Variants in BRINP3 observed in about 807,000 individuals in gnomAD.
BRINP3 encodes BMP/retinoic acid inducible neural specific 3, also known as BMP/retinoic acid-inducible neural-specific protein 3.
BRINP3 carries 19 observed loss-of-function variants against 71.0 expected under a neutral mutation model. The observed-to-expected ratio is 0.27, with a 90% CI of 0.19 to 0.39. BRINP3 has a LOEUF of 0.39. Among genes scored for constraint, BRINP3 ranks in the 10% least tolerant of loss-of-function variants. The probability of loss-of-function intolerance (pLI) is 1.00; values close to 1 mark genes in which losing one functional copy is unlikely to be tolerated. For missense variants in BRINP3, 959 were observed against 940.8 expected, an observed-to-expected ratio of 1.02 and a Z score of -0.25; for synonymous variants, 380 against 337.7, an observed-to-expected ratio of 1.13 and a Z score of -1.37.
At chr1:190,269,238 T>A (rs1210697006) in intron 3 of BRINP3, among the ~76,000 whole-genome samples, 1 of 151,994 alleles carries the variant, frequency 6.6e-6, no homozygotes, top group African/African-American at 2.4e-5. Context: ...GACACCTAAA[T>A]AGCAATTTGG....
intron 2 of BRINP3, among the ~76,000 whole-genome samples, chr1:190,345,715 GAA>G (rs10664849): frequency 9.6e-6 from 1 of 103,628 alleles, no homozygotes; most frequent in South Asian, 3.0e-4. Flanking sequence ...TTTACCTTCA[GAA>G]AAAAAAAAAA....
At chr1:190,418,502 T>G (rs746934113) in intron 2 of BRINP3, among the ~76,000 whole-genome samples, 4 of 152,196 alleles carry the variant, frequency 2.6e-5, no homozygotes, top group Admixed American at 6.6e-5. Context: ...ATGTTTAAAT[T>G]TTCCTTCTCA....
intron 2 of BRINP3, among the ~76,000 whole-genome samples, chr1:190,351,414 A>G (rs767324636): frequency 1.2e-4 from 19 of 152,170 alleles, no homozygotes; most frequent in Non-Finnish European, 2.4e-4. Context: ...AATGGATAGT[A>G]TTAACAATTT....
chr1:190,345,250 GAC>G (rs1261750996), intron 2 of BRINP3, among the ~76,000 whole-genome samples: 3 of 151,632 alleles, frequency 2.0e-5, no homozygotes, highest in African/African-American at 4.8e-5. Context: ...CCAGAAAAGA[GAC>G]ACAGATTTTC....
chr1:190,392,640 G>A (rs1021438634), intron 2 of BRINP3, among the ~76,000 whole-genome samples: 1 of 151,534 alleles, frequency 6.6e-6, no homozygotes, highest in African/African-American at 2.4e-5. Flanking sequence ...ACTTGTAATA[G>A]TTCACATTTC....
chr1:190,468,298 A>G (rs1373064248), intron 1 of BRINP3, among the ~76,000 whole-genome samples: 1 of 151,286 alleles, frequency 6.6e-6, no homozygotes, highest in Admixed American at 6.6e-5. Context: ...TTAATCAAAC[A>G]CTTATTATTG....
intron 2 of BRINP3, among the ~76,000 whole-genome samples, chr1:190,333,791 C>T (rs1213925684): frequency 6.6e-6 from 1 of 151,862 alleles, no homozygotes; most frequent in Non-Finnish European, 1.5e-5. Flanking sequence ...TAACAGAGCC[C>T]AATCTATATC....
chr1:190,384,841 T>C (rs1332217192), intron 2 of BRINP3, among the ~76,000 whole-genome samples: 1 of 151,940 alleles, frequency 6.6e-6, no homozygotes, highest in African/African-American at 2.4e-5. Context: ...TTCTCAGATT[T>C]ATCATATAAG....
chr1:190,354,485 T>C (rs1234436842), intron 2 of BRINP3, among the ~76,000 whole-genome samples: 1 of 151,994 alleles, frequency 6.6e-6, no homozygotes, highest in Non-Finnish European at 1.5e-5. Flanking sequence ...AAAAGGTGTT[T>C]CATAAATGCA....
At chr1:190,327,069 G>A (rs1450105778) in intron 2 of BRINP3, among the ~76,000 whole-genome samples, 2 of 150,510 alleles carry the variant, frequency 1.3e-5, no homozygotes, top group Non-Finnish European at 3.0e-5. Context: ...TAATCTCAGC[G>A]CTTTGGGAGG....
At chr1:190,470,115 TA>T (rs1677031791) in intron 1 of BRINP3, among the ~76,000 whole-genome samples, 1 of 151,030 alleles carries the variant, frequency 6.6e-6, no homozygotes, top group African/African-American at 2.4e-5. Context: ...TTCCCAACTC[TA>T]GATTGTTTTT....
At chr1:190,211,066 C>T (rs1389136440) in intron 6 of BRINP3, among the ~76,000 whole-genome samples, 1 of 152,090 alleles carries the variant, frequency 6.6e-6, no homozygotes, top group African/African-American at 2.4e-5. Flanking sequence ...AGCTTCCCTA[C>T]TTTTGAGGTT....
chr1:190,300,629 G>A (rs906114408), intron 2 of BRINP3, among the ~76,000 whole-genome samples: 1 of 152,018 alleles, frequency 6.6e-6, no homozygotes, highest in Non-Finnish European at 1.5e-5. Context: ...TCTGACCCCC[G>A]AGCAGCCTAA....
chr1:190,312,218 A>C, intron 2 of BRINP3, among the ~76,000 whole-genome samples: 1 of 150,822 alleles, frequency 6.6e-6, no homozygotes, highest in East Asian at 1.9e-4. Context: ...ATGTTATTGC[A>C]AAGTTCAATA....
intron 2 of BRINP3, among the ~76,000 whole-genome samples, chr1:190,425,762 T>G (rs1288064284): frequency 2.0e-5 from 3 of 151,812 alleles, no homozygotes; most frequent in Non-Finnish European, 4.4e-5. Flanking sequence ...TAAGTATACT[T>G]GTTAGAATTA....
chr1:190,265,179 G>C (rs1421511095), intron 3 of BRINP3, 124 bp from the exon 4 acceptor site: 2 of 804,142 alleles, frequency 2.5e-6, no homozygotes, highest in Non-Finnish European at 3.7e-6. Flanking sequence ...ATGCCAAAAG[G>C]GCAAGGGGTT....
chr1:190,260,413 C>T (rs975094595), intron 4 of BRINP3, among the ~76,000 whole-genome samples: 2 of 151,956 alleles, frequency 1.3e-5, no homozygotes, highest in Non-Finnish European at 2.9e-5. Context: ...ATGTTGTACA[C>T]CCTAAATATA....
At chr1:190,275,332 C>T (rs1214609587) in intron 3 of BRINP3, among the ~76,000 whole-genome samples, 1 of 151,294 alleles carries the variant, frequency 6.6e-6, no homozygotes, top group Admixed American at 6.6e-5. Flanking sequence ...TTGATTATAC[C>T]TTAAATTTAT....
At chr1:190,188,373 T>C (rs1251575212) in intron 6 of BRINP3, among the ~76,000 whole-genome samples, 1 of 152,198 alleles carries the variant, frequency 6.6e-6, no homozygotes, top group Non-Finnish European at 1.5e-5. Context: ...TCTTGTTTAA[T>C]TGCTCTTGCT....
Sources: gnomAD v4.1 joint callset for allele counts (sites outside exome capture counted in the v4.1 genomes callset) on GRCh38, gnomAD v4.1.1 for gene constraint, MANE v1.5 for transcripts, NCBI Gene and HGNC (gene_info 2026-07-23, HGNC 2026-07-21) for gene names.